LRRTM4: variants seen among roughly 807,000 people sequenced by gnomAD.
LRRTM4 encodes leucine-rich repeat transmembrane neuronal protein 4.
Under a neutral mutation model 47.6 loss-of-function variants are expected in LRRTM4, and 25 were observed. The observed-to-expected ratio is 0.53, with a 90% CI of 0.38 to 0.73. The LOEUF is 0.73. Among genes scored for constraint, LRRTM4 ranks in the 30% least tolerant of loss-of-function variants. The pLI is 0.00. For missense variants in LRRTM4, 638 were observed against 713.4 expected (o/e 0.89, Z 1.20); for synonymous variants, 311 against 269.5 (o/e 1.15, Z -1.51).
intron 3 of LRRTM4, among the ~76,000 whole-genome samples, chr2:77,045,322 C>T (rs1553376564): frequency 2.6e-5 from 4 of 151,560 alleles, no homozygotes. Flanking sequence ...TTTCCTCATT[C>T]CTTTTATCTA....
chr2:77,201,287 A>T lies in LRRTM4; in HGVS notation c.1551+317031T>A, dbSNP rs549731812. On this transcript the variant is annotated intron_variant, in intron 3 of 3. Coordinates refer to ENST00000409884, the MANE Select transcript of LRRTM4 (RefSeq NM_001134745.3). ...GTATATTTTATAATTTCAGAAACAA[A>T]AATGGGAGTAATGTACTATAGGAGT... Among the ~76,000 whole-genome samples the T allele has an allele frequency of 3.9e-5, 6 of 152,236 alleles. No individual in the cohort carries two copies. The South Asian group carries it at 8.3e-4, about 21-fold the overall frequency.
chr2:77,087,612 A>G (rs1680764651), intron 3 of LRRTM4, among the ~76,000 whole-genome samples: 1 of 152,208 alleles, frequency 6.6e-6, no homozygotes, highest in African/African-American at 2.4e-5. Context: ...ACTACAAACC[A>G]CCATCAGTGA....
rs1460452014 is a variant in LRRTM4, at chr2:77,481,892, TTA to T, written c.1551+36424_1551+36425del. On this transcript the variant is annotated intron_variant, in intron 3 of 3. Transcript: ENST00000409884. The stretch of plus-strand genomic sequence containing the variant: ...GGTTTTTTTTTTTCTTTTTTTTTTT[TTA>T]AAACTTCTAGTTATTTTAGGACCTG... Among the ~76,000 whole-genome samples, 54 of 126,070 alleles carry T rather than the reference TTA, an allele frequency of 4.3e-4. 1 individual carries two copies. The highest frequency in any genetic ancestry group is 1.5e-3 in the South Asian group (6 of 4,000). The allele number at this position is 126,070 out of a possible 152,430, so 82.7% of individuals were successfully genotyped here.
At chr2:76,809,648 A>T (rs1392212485) in intron 3 of LRRTM4, among the ~76,000 whole-genome samples, 1 of 151,934 alleles carries the variant, frequency 6.6e-6, no homozygotes, top group African/African-American at 2.4e-5. Flanking sequence ...CAGACCATGC[A>T]CTCTTCTGCT....
intron 3 of LRRTM4, among the ~76,000 whole-genome samples, chr2:77,416,488 A>G (rs1444018246): frequency 6.6e-6 from 1 of 152,268 alleles, no homozygotes; most frequent in East Asian, 1.9e-4. Context: ...TTGTTCATGA[A>G]CATATGCTAC....
At chr2:77,122,656 G>A (rs1426550252) in intron 3 of LRRTM4, among the ~76,000 whole-genome samples, 2 of 151,720 alleles carry the variant, frequency 1.3e-5, no homozygotes, top group Admixed American at 6.6e-5. Flanking sequence ...GCAATTGGAT[G>A]TTAATATTCT....
intron 3 of LRRTM4, among the ~76,000 whole-genome samples, chr2:77,476,414 T>A (rs559385688): frequency 2.6e-5 from 4 of 152,200 alleles, no homozygotes; most frequent in Admixed American, 2.6e-4. Context: ...GGTCAAATCA[T>A]CTGACTGCAA....
At chr2:77,349,063 C>T (rs1671668597) in intron 3 of LRRTM4, among the ~76,000 whole-genome samples, 1 of 151,618 alleles carries the variant, frequency 6.6e-6, no homozygotes, top group African/African-American at 2.4e-5. Flanking sequence ...CTGGATAGCT[C>T]CATTTTTTTT....
rs556409393 is a variant in LRRTM4, at chr2:76,830,449, A to G, written c.1552-81533T>C. Among the ~76,000 whole-genome samples the G allele has an allele frequency of 1.3e-5, 2 of 151,624 alleles. 1 individual carries two copies. Among genetic ancestry groups the G allele is most frequent in the Non-Finnish European group, 2.9e-5 (2 of 67,846 alleles). ...GAAGTAGTGGAAGAATAAGACTAGA[A>G]AGACATTTTATCCCTGCCTACCTTT... is the stretch of plus-strand genomic sequence containing the variant. On this transcript the variant is annotated intron_variant, in intron 3 of 3. Coordinates refer to ENST00000409884, the MANE Select transcript of LRRTM4 (RefSeq NM_001134745.3).
chr2:76,770,028 T>A lies in LRRTM4; in HGVS notation c.1552-21112A>T, dbSNP rs1204853160. ...GGAATCTGTTTGAGCAGGCCTGACATTATTCTGATGCATACTGTTGCTTTT... is the reference window on the plus strand; with the variant it reads ...GGAATCTGTTTGAGCAGGCCTGACAATATTCTGATGCATACTGTTGCTTTT... On this transcript the variant is annotated intron_variant, in intron 3 of 3. Coordinates refer to ENST00000409884, the MANE Select transcript of LRRTM4 (RefSeq NM_001134745.3). Among the ~76,000 whole-genome samples, 11 of 152,292 alleles carry A rather than the reference T, an allele frequency of 7.2e-5. No homozygotes were observed. The East Asian group carries it at 2.1e-3, about 29-fold the overall frequency.
At chr2:76,899,614 A>C (rs928209087) in intron 3 of LRRTM4, among the ~76,000 whole-genome samples, 1 of 152,136 alleles carries the variant, frequency 6.6e-6, no homozygotes, top group Non-Finnish European at 1.5e-5. Context: ...TAAGGAAGTT[A>C]GTGTAGCTGA....
intron 3 of LRRTM4, among the ~76,000 whole-genome samples, chr2:77,373,049 C>A (rs980940862): frequency 6.8e-6 from 1 of 146,498 alleles, no homozygotes; most frequent in Non-Finnish European, 1.5e-5. Context: ...TGATGCAACA[C>A]TTCCCACTCC....
chr2:76,758,843 G>T (rs1254304332), intron 3 of LRRTM4, among the ~76,000 whole-genome samples: 1 of 152,014 alleles, frequency 6.6e-6, no homozygotes, highest in African/African-American at 2.4e-5. Context: ...AAACATTTTA[G>T]ACTTGCAACC....
At chr2:76,908,458 C>T (rs1213527931) in intron 3 of LRRTM4, among the ~76,000 whole-genome samples, 1 of 151,140 alleles carries the variant, frequency 6.6e-6, no homozygotes, top group Non-Finnish European at 1.5e-5. Flanking sequence ...TCTCTCACCA[C>T]TCCTATTCAA....
intron 3 of LRRTM4, among the ~76,000 whole-genome samples, chr2:77,046,584 ATG>A (rs1679243965): frequency 6.6e-6 from 1 of 152,000 alleles, no homozygotes; most frequent in Non-Finnish European, 1.5e-5. Context: ...GGAAACATCT[ATG>A]TGTCTGACAC....
intron 3 of LRRTM4, among the ~76,000 whole-genome samples, chr2:77,158,940 G>A (rs773610176): frequency 1.3e-5 from 2 of 151,586 alleles, no homozygotes; most frequent in Non-Finnish European, 2.9e-5. Context: ...ATCTCAGAAC[G>A]CTTTCACTCC....
At chr2:77,089,549 CCACTTTTCT>C (rs1483312093) in intron 3 of LRRTM4, among the ~76,000 whole-genome samples, 2 of 152,036 alleles carry the variant, frequency 1.3e-5, no homozygotes, top group South Asian at 4.2e-4. Context: ...ACCCCTTTTC[CCACTTTTCT>C]GGAAGGTAAG....
rs533238820 is a variant in LRRTM4 at position 77,011,397 on chromosome 2, CTTA to C, written c.1552-262484_1552-262482del. 1.8e-3 allele frequency among the ~76,000 whole-genome samples: 276 copies of C among 151,982 alleles called. 1 individual carries two copies. The highest frequency in any genetic ancestry group is 0.01 in the Middle Eastern group (3 of 294). ...GGATAGAATACAGCTGGGATAGGGA[CTTA>C]TTATTGGGATTAGATTTTACACCAT... is the stretch of plus-strand genomic sequence containing the variant. On this transcript the variant is annotated intron_variant, in intron 3 of 3. Coordinates refer to ENST00000409884, the MANE Select transcript of LRRTM4 (RefSeq NM_001134745.3).
At chr2:77,051,995 A>G (rs72825338) in intron 3 of LRRTM4, among the ~76,000 whole-genome samples, 18,310 of 152,006 alleles carry the variant, frequency 0.12, 1,381 homozygotes, top group Admixed American at 0.19. Context: ...ATTTATGTGT[A>G]CTTTTAAAAA....
Sources: gnomAD v4.1 joint callset for allele counts (sites outside exome capture counted in the v4.1 genomes callset) on GRCh38, gnomAD v4.1.1 for gene constraint, MANE v1.5 for transcripts, NCBI Gene and HGNC (gene_info 2026-07-23, HGNC 2026-07-21) for gene names.